PTPN14: variants seen among roughly 807,000 people sequenced by gnomAD.
The protein encoded by PTPN14 is protein tyrosine phosphatase non-receptor type 14.
In PTPN14, 53 loss-of-function variants were observed where a neutral mutation model predicts 126.8. That is an observed-to-expected ratio of 0.42 (90% CI 0.34 to 0.53). PTPN14 has a LOEUF of 0.53. PTPN14 is among the 20% of genes least tolerant of loss of function. The pLI is 0.08. For synonymous variants in PTPN14, 630 were observed against 599.3 expected (o/e 1.05, Z -0.75); for missense variants, 1,257 against 1,552.9 (o/e 0.81, Z 3.20).
chr1:214,533,082 G>C (rs763746704), intron 1 of PTPN14: 2 of 737,794 alleles, frequency 2.7e-6, no homozygotes, highest in Non-Finnish European at 4.9e-6. Context: ...TGGGACGTAC[G>C]GTCCAGTCCT....
At chr1:214,376,474 C>G (rs1312298744) in intron 14 of PTPN14, 37 bp from the exon 15 acceptor site, 1 of 1,546,036 alleles carries the variant, frequency 6.5e-7, no homozygotes, top group Admixed American at 1.7e-5. Context: ...TCTAAATTAT[C>G]TGATCCAAAA....
chr1:214,359,454 C>T (rs1657904026), intron 18 of PTPN14, among the ~76,000 whole-genome samples: 1 of 150,384 alleles, frequency 6.6e-6, no homozygotes, highest in Non-Finnish European at 1.5e-5. Context: ...GAACTCCTGA[C>T]CTCGTGATCC....
intron 1 of PTPN14, among the ~76,000 whole-genome samples, chr1:214,474,865 G>A (rs1427233903): frequency 6.6e-6 from 1 of 152,198 alleles, no homozygotes; most frequent in Non-Finnish European, 1.5e-5. Flanking sequence ...TTTCCAGAGA[G>A]ACATGATTTT....
intron 1 of PTPN14, among the ~76,000 whole-genome samples, chr1:214,490,244 T>C (rs1426630815): frequency 2.6e-5 from 4 of 152,170 alleles, no homozygotes; most frequent in Non-Finnish European, 4.4e-5. Flanking sequence ...AAGGGGGAAA[T>C]GTTTCACATA....
At chr1:214,400,431 G>A (rs1658989087) in intron 7 of PTPN14, among the ~76,000 whole-genome samples, 1 of 152,180 alleles carries the variant, frequency 6.6e-6, no homozygotes, top group African/African-American at 2.4e-5. Flanking sequence ...CAACTCAGAG[G>A]AAGGTATTAT....
chr1:214,394,088 C>T (rs1201352106), intron 9 of PTPN14, among the ~76,000 whole-genome samples: 4 of 152,206 alleles, frequency 2.6e-5, no homozygotes, highest in Admixed American at 6.5e-5. Context: ...ATAACTGAAT[C>T]AAGGCACAGC....
intron 3 of PTPN14, among the ~76,000 whole-genome samples, chr1:214,446,346 A>G (rs1331895768): frequency 6.6e-6 from 1 of 152,178 alleles, no homozygotes; most frequent in Non-Finnish European, 1.5e-5. Context: ...AACACCTTAA[A>G]GTAGGGCCTG....
intron 5 of PTPN14, 60 bp from the exon 6 acceptor site, chr1:214,403,013 G>C: frequency 6.5e-7 from 1 of 1,544,292 alleles, no homozygotes; most frequent in South Asian, 1.1e-5. Flanking sequence ...TATTTTGCTT[G>C]CAAATCTTAA....
chr1:214,489,915 A>G lies in PTPN14; in HGVS notation c.-154-24958T>C, dbSNP rs75992826. On this transcript the variant is annotated intron_variant, in intron 1 of 18. Coordinates refer to ENST00000366956, the MANE Select transcript of PTPN14 (RefSeq NM_005401.5). ...AGCCTCAGTGTCTCGTCTATAAAATAAAGGCTAACAGTAGCATCTAGCTCT... is the reference window on the plus strand; with the variant it reads ...AGCCTCAGTGTCTCGTCTATAAAATGAAGGCTAACAGTAGCATCTAGCTCT... Among the ~76,000 whole-genome samples the G allele has an allele frequency of 1.5e-3, 228 of 152,362 alleles. 1 individual carries two copies. The highest frequency in any genetic ancestry group is 5.3e-3 in the African/African-American group (220 of 41,570).
At chr1:214,520,065 A>ATATATATATATATATATATATATAT (rs1553274992) in intron 1 of PTPN14, among the ~76,000 whole-genome samples, 4 of 71,112 alleles carry the variant, frequency 5.6e-5, no homozygotes, top group African/African-American at 2.9e-4. Context: ...AAAAAAAAAA[A>ATATATATATATATATATATATATAT]ATATATATAT....
chr1:214,485,766 C>T (rs2102411309), intron 1 of PTPN14, among the ~76,000 whole-genome samples: 1 of 152,038 alleles, frequency 6.6e-6, no homozygotes, highest in Middle Eastern at 3.4e-3. Context: ...CGCTCTGTCG[C>T]CCAGGCCAGA....
At chr1:214,530,805 CCTT>C (rs1467873430) in intron 1 of PTPN14, 2 of 152,100 alleles carry the variant, frequency 1.3e-5, no homozygotes, top group Non-Finnish European at 2.9e-5. Context: ...TCAGTAGTAA[CCTT>C]CTTTTTATAA....
At chr1:214,373,140 C>T (rs1429715773) in intron 15 of PTPN14, among the ~76,000 whole-genome samples, 2 of 152,140 alleles carry the variant, frequency 1.3e-5, no homozygotes, top group Admixed American at 1.3e-4. Context: ...CTGCAACCTC[C>T]GCCTCCTGGG....
chr1:214,448,397 A>ATTTT (rs34637675), intron 3 of PTPN14, among the ~76,000 whole-genome samples: 22 of 133,518 alleles, frequency 1.6e-4, no homozygotes, highest in East Asian at 8.8e-4. Flanking sequence ...AGCCGGGCTA[A>ATTTT]TTTTTTTTTT....
chr1:214,427,686 G>C (rs1659699213), intron 3 of PTPN14, among the ~76,000 whole-genome samples: 1 of 152,004 alleles, frequency 6.6e-6, no homozygotes, highest in African/African-American at 2.4e-5. Context: ...TAAACAATAG[G>C]TCCAATGAGA....
At chr1:214,465,319 G>A (rs551378736) in intron 1 of PTPN14, among the ~76,000 whole-genome samples, 1 of 152,252 alleles carries the variant, frequency 6.6e-6, no homozygotes, top group Non-Finnish European at 1.5e-5. Context: ...ACTCAAGAAA[G>A]TGTTAGGAGG....
At chr1:214,513,827 C>G (rs888921797) in intron 1 of PTPN14, among the ~76,000 whole-genome samples, 1 of 152,146 alleles carries the variant, frequency 6.6e-6, no homozygotes, top group Non-Finnish European at 1.5e-5. Context: ...ATAATGTGTG[C>G]AAGGTGGGTA....
At chr1:214,456,303 G>A (rs982384646) in intron 2 of PTPN14, among the ~76,000 whole-genome samples, 1 of 152,130 alleles carries the variant, frequency 6.6e-6, no homozygotes, top group African/African-American at 2.4e-5. Flanking sequence ...GAAATGGTGT[G>A]CTTCCACATA....
chr1:214,460,027 C>A (rs1462760576), intron 2 of PTPN14, among the ~76,000 whole-genome samples: 1 of 152,192 alleles, frequency 6.6e-6, no homozygotes, highest in Non-Finnish European at 1.5e-5. Context: ...CCTGCTCCCC[C>A]ACTACAAGTC....
Sources: allele counts gnomAD v4.1 joint callset (sites outside exome capture counted in the v4.1 genomes callset), GRCh38; gene constraint gnomAD v4.1.1; transcripts MANE v1.5; gene names NCBI Gene and HGNC (gene_info 2026-07-23, HGNC 2026-07-21).